Variants in NDST1 observed in about 807,000 individuals in gnomAD.
The protein encoded by NDST1 is bifunctional heparan sulfate N-deacetylase/N-sulfotransferase 1.
NDST1 carries 35 observed loss-of-function variants against 92.8 expected under a neutral mutation model. That is an observed-to-expected ratio of 0.38 (90% CI 0.29 to 0.50). The LOEUF (loss-of-function observed/expected upper bound fraction) is 0.50, where lower values mean the gene tolerates loss of function less well. Ranked by LOEUF, NDST1 falls within the 20% of genes least tolerant of loss-of-function variation. NDST1 has a pLI of 0.94. For synonymous variants in NDST1, 493 were observed against 500.3 expected, an observed-to-expected ratio of 0.99 and a Z score of 0.19; for missense variants, 822 against 1,182.7, an observed-to-expected ratio of 0.69 and a Z score of 4.47.
intron 3 of NDST1, 89 bp downstream of exon 3, chr5:150,528,387 G>C: frequency 7.1e-7 from 1 of 1,418,272 alleles, no homozygotes; most frequent in Non-Finnish European, 9.5e-7. Context: ...TGCCCTGTCT[G>C]CATCTCCCCT....
At chr5:150,543,535 T>G (rs542469804) in intron 10 of NDST1, among the ~76,000 whole-genome samples, 2 of 152,314 alleles carry the variant, frequency 1.3e-5, no homozygotes, top group Admixed American at 1.3e-4. Context: ...CTCCACCTTT[T>G]CAGTTGGCAT....
At position 150,553,897 on chromosome 5, in the gene NDST1, C is replaced by T; in HGVS notation, c.*565C>T. ...AGCCTCCACATCTGGTTCCTACCTT[C>T]ACATCTCACCCTCCCGTTCTGGGGA... is the stretch of plus-strand genomic sequence containing the variant. On this transcript the variant is annotated 3_prime_UTR_variant, in exon 15 of 15. Coordinates refer to ENST00000261797, the MANE Select transcript of NDST1 (RefSeq NM_001543.5). This position sits in a 1 kb window ranked among gnomAD's most constrained non-coding sequence, Gnocchi z 4.2. The T allele has an allele frequency of 2.3e-6, 1 of 426,096 alleles. No individual in the cohort carries two copies. Among genetic ancestry groups the T allele is most frequent in the East Asian group, 3.3e-5 (1 of 30,410 alleles). 26.4% of individuals were successfully genotyped at this position (426,096 alleles called of 1,614,324 possible).
intron 8 of NDST1, among the ~76,000 whole-genome samples, chr5:150,541,093 A>G (rs1755225365): frequency 6.6e-6 from 1 of 152,216 alleles, no homozygotes; most frequent in Non-Finnish European, 1.5e-5. Flanking sequence ...AACCAGCCTG[A>G]GACCTGTTTT....
chr5:150,549,834 A>G (rs773438979), intron 13 of NDST1, 47 bp downstream of exon 13: 2 of 1,174,962 alleles, frequency 1.7e-6, no homozygotes, highest in African/African-American at 3.0e-5. Flanking sequence ...CTGATAAGGC[A>G]CCTGGGCCAA....
chr5:150,509,399 G>A (rs73272671), intron 1 of NDST1, among the ~76,000 whole-genome samples: 4,427 of 152,284 alleles, frequency 0.029, 221 homozygotes, highest in African/African-American at 0.1. Context: ...ATGCCAGGCC[G>A]TGAGGCGAGG....
chr5:150,546,690 C>G (rs563396357), intron 11 of NDST1, among the ~76,000 whole-genome samples: 1 of 152,368 alleles, frequency 6.6e-6, no homozygotes, highest in East Asian at 1.9e-4. Context: ...TCAGATGTGA[C>G]AGTGGCTGTC....
rs774976739 is a variant in NDST1 at position 150,540,205 on chromosome 5, G to A, written c.1690G>A (p.Val564Met). The change falls in exon 8 of 15, where the codon GTG becomes ATG. Residue 564 changes from valine (V) to methionine (M), a missense_variant. Coordinates refer to ENST00000261797, the MANE Select transcript of NDST1 (RefSeq NM_001543.5). ...CCTCCGGCTGCAGACACTGCCCCCT[G>A]TGCAGTTGGCGCAGAAGTACTTCCA... ...TNLRLQTLPP[V>M]QLAQKYFQIF... 12 of 1,614,020 alleles carry A rather than the reference G, an allele frequency of 7.4e-6. No homozygotes were observed. In the South Asian group the frequency reaches 7.7e-5, roughly 10 times the overall value.
chr5:150,536,041 C>T (rs1341554713), intron 6 of NDST1, among the ~76,000 whole-genome samples, 156 bp downstream of exon 6: 1 of 152,188 alleles, frequency 6.6e-6, no homozygotes, highest in East Asian at 1.9e-4. Context: ...AGGCTCTCTG[C>T]CCCAGGGAAG....
At chr5:150,520,325 G>C (rs1754185815) in intron 1 of NDST1, among the ~76,000 whole-genome samples, 1 of 79,414 alleles carries the variant, frequency 1.3e-5, no homozygotes, top group Admixed American at 1.3e-4. Flanking sequence ...TTCATTCTGA[G>C]TCTTCAGAAT....
chr5:150,542,232 G>T (rs1349641301), intron 9 of NDST1, among the ~76,000 whole-genome samples: 1 of 152,106 alleles, frequency 6.6e-6, no homozygotes, highest in African/African-American at 2.4e-5. Context: ...ACTCTTAATT[G>T]CCAAACTCTA....
intron 10 of NDST1, 43 bp downstream of exon 10, chr5:150,543,014 C>T (rs1755314729): frequency 6.2e-7 from 1 of 1,612,380 alleles, no homozygotes. Flanking sequence ...GAAGGCCATC[C>T]TGGGGCCTCC....
At chr5:150,525,556 C>T (rs1191576818) in intron 2 of NDST1, among the ~76,000 whole-genome samples, 2 of 152,176 alleles carry the variant, frequency 1.3e-5, no homozygotes, top group Non-Finnish European at 2.9e-5. Flanking sequence ...GTGCGCTGGG[C>T]CTCAGCACCC....
chr5:150,535,982 G>C, intron 6 of NDST1, 97 bp downstream of exon 6: 1 of 1,421,010 alleles, frequency 7.0e-7, no homozygotes, highest in East Asian at 2.5e-5. Context: ...GCTCTGGTTT[G>C]CTGGCTTAGG....
chr5:150,536,505 CA>C (rs1232635088), intron 6 of NDST1, among the ~76,000 whole-genome samples: 3,387 of 136,444 alleles, frequency 0.025, 116 homozygotes, highest in African/African-American at 0.082. Context: ...GACTCTGTCT[CA>C]AAAAAAAAAA....
rs1005673051 is a variant in NDST1, at chr5:150,532,932, C to T, written c.1009-13C>T. 4.3e-6 allele frequency: 7 copies of T among 1,613,530 alleles called. No individual in the cohort carries two copies. The highest frequency in any genetic ancestry group is 2.7e-5 in the African/African-American group (2 of 74,910). On this transcript the variant is annotated splice_polypyrimidine_tract_variant and intron_variant, in intron 3 of 14. Coordinates refer to ENST00000261797, the MANE Select transcript of NDST1 (RefSeq NM_001543.5). Reference sequence around the variant, plus strand: ...TTTCCCTCACTCATTCCTTTCTCCCCTGCCTGTCCTAGGCCCTGTTTGACA... The same window carrying T: ...TTTCCCTCACTCATTCCTTTCTCCCTTGCCTGTCCTAGGCCCTGTTTGACA...
At chr5:150,514,108 C>T (rs1331838349) in intron 1 of NDST1, among the ~76,000 whole-genome samples, 9 of 152,238 alleles carry the variant, frequency 5.9e-5, no homozygotes, top group Admixed American at 5.9e-4. Flanking sequence ...CAAGGTTCCT[C>T]TGCAGGCTCT....
intron 6 of NDST1, among the ~76,000 whole-genome samples, chr5:150,538,329 T>C (rs531467123): frequency 4.6e-5 from 7 of 152,308 alleles, no homozygotes; most frequent in African/African-American, 1.4e-4. Flanking sequence ...TGGAGCATGA[T>C]CTGACTCATC....
Position 150,542,981 on chromosome 5 carries a change from C to G in NDST1, c.1970+10C>G. ...ACAAAGGCATCGACTGGTGAGTTGG[C>G]CTTTCTGTCCACAGCGGGACGGGAA... On this transcript the variant is annotated intron_variant, in intron 10 of 14. Coordinates refer to ENST00000261797, the MANE Select transcript of NDST1 (RefSeq NM_001543.5). 6.2e-7 allele frequency: 1 copy of G among 1,613,806 alleles called. No individual in the cohort carries two copies. Among genetic ancestry groups the G allele is most frequent in the Admixed American group, 1.7e-5 (1 of 60,012 alleles).
At chr5:150,533,112 G>C in intron 4 of NDST1, 80 bp downstream of exon 4, 1 of 1,404,210 alleles carries the variant, frequency 7.1e-7, no homozygotes, top group Non-Finnish European at 1.0e-6. Context: ...CCATCCATGA[G>C]GGCAGCGGGT....
Sources: gnomAD v4.1 joint callset for allele counts (sites outside exome capture counted in the v4.1 genomes callset) on GRCh38, gnomAD v4.1.1 for gene constraint, Gnocchi (gnomAD v3.1) non-coding constraint, MANE v1.5 for transcripts, NCBI Gene and HGNC (gene_info 2026-07-23, HGNC 2026-07-21) for gene names.